Variants in ANKRD26 observed in about 807,000 individuals in gnomAD.
ANKRD26 encodes ankyrin repeat domain-containing protein 26.
A neutral mutation model predicts 208.7 loss-of-function variants in ANKRD26; 141 were observed. That is an observed-to-expected ratio of 0.68 (90% confidence interval 0.59 to 0.78). The LOEUF (loss-of-function observed/expected upper bound fraction) is 0.78. ANKRD26 is among the 30% of genes least tolerant of loss of function. The pLI is 0.00. For synonymous variants in ANKRD26, 636 were observed against 660.4 expected (o/e 0.96, Z 0.57); for missense variants, 1,889 against 1,938.7 (o/e 0.97, Z 0.48).
intron 4 of ANKRD26, among the ~76,000 whole-genome samples, chr10:26,996,268 G>A (rs1270445306): frequency 6.6e-6 from 1 of 151,748 alleles, no homozygotes; most frequent in Non-Finnish European, 1.5e-5. Flanking sequence ...GAAATATAGT[G>A]AGAAAAAAAA....
intron 30 of ANKRD26, among the ~76,000 whole-genome samples, chr10:27,016,806 TG>T (rs1220889820): frequency 6.6e-6 from 1 of 152,132 alleles, no homozygotes; most frequent in East Asian, 1.9e-4. Context: ...ATATAAAACC[TG>T]GGTAATTATT....
At chr10:27,070,789 C>G (rs1235009621) in intron 9 of ANKRD26, among the ~76,000 whole-genome samples, 3 of 128,540 alleles carry the variant, frequency 2.3e-5, no homozygotes, top group Non-Finnish European at 5.3e-5. Flanking sequence ...ACTCAGCCCC[C>G]TGAGTAGCTG....
chr10:27,055,116 T>G (rs1224378072), intron 15 of ANKRD26, among the ~76,000 whole-genome samples: 1 of 152,196 alleles, frequency 6.6e-6, no homozygotes, highest in East Asian at 1.9e-4. Context: ...GAGTGAATTT[T>G]TATTAAATGA....
chr10:27,043,341 T>C (rs2054327379), intron 20 of ANKRD26, 85 bp downstream of exon 20: 1 of 1,504,610 alleles, frequency 6.6e-7, no homozygotes, highest in African/African-American at 1.4e-5. Flanking sequence ...CTGCAAAATG[T>C]ATGCTAAATG....
rs2052820037 is a variant in ANKRD26 at position 27,004,983 on chromosome 10, T to C, written c.*607A>G. On this transcript the variant is annotated 3_prime_UTR_variant, in exon 34 of 34. Transcript: ENST00000376087. ...TGATGACATAATGTCAGCAATTTAC[T>C]CTCAAATTGTTCGGAGGAGAAAGTC... The C allele has an allele frequency of 1.1e-6, 1 of 945,378 alleles. No individual in the cohort carries two copies. The allele number at this position is 945,378 out of a possible 1,614,324, so 58.6% of individuals were successfully genotyped here. A position where few individuals can be genotyped will look rare whatever the true frequency, so the allele number is the denominator to read the frequency against.
chr10:27,085,095 G>GT (rs1304030896), intron 5 of ANKRD26, among the ~76,000 whole-genome samples: 1 of 150,148 alleles, frequency 6.7e-6, no homozygotes, highest in Non-Finnish European at 1.5e-5. Context: ...GAACACACTT[G>GT]TTTTTTTTGT....
chr10:27,072,342 A>T (rs905747630), intron 9 of ANKRD26, among the ~76,000 whole-genome samples: 2 of 152,196 alleles, frequency 1.3e-5, no homozygotes, highest in African/African-American at 2.4e-5. Context: ...TTTGTGCAGC[A>T]GAGGCAGCTG....
intron 4 of ANKRD26, among the ~76,000 whole-genome samples, chr10:26,998,131 A>G (rs909358101): frequency 1.3e-5 from 2 of 152,154 alleles, no homozygotes; most frequent in Middle Eastern, 3.2e-3. Flanking sequence ...CCATGACCCA[A>G]TTTACTAGGG....
At chr10:26,972,630 G>A (rs546380695), downstream of ANKRD26, among the ~76,000 whole-genome samples, 34 of 134,936 alleles carry the variant, frequency 2.5e-4, no homozygotes, top group Admixed American at 1.0e-3. Context: ...TCACTCTGTC[G>A]CCCAGGCTGG....
At chr10:26,964,212 T>C in the ANKRD26 span, among the ~76,000 whole-genome samples, 1 of 152,056 alleles carries the variant, frequency 6.6e-6, no homozygotes, top group South Asian at 2.1e-4. Flanking sequence ...CCTGGCCTGT[T>C]GTATTGTGTA....
Position 27,082,828 on chromosome 10 carries a change from CA to C in ANKRD26, c.714del (p.Asp238GlufsTer8). Reference protein sequence around the residue: ...KHSSQNSNSVDESSEDSLSRL... With the variant: ...KHSSQNSNSVXESSEDSLSRL... ...CTGCTTAAGGAGTCTTCAGAGCTTT[CA>C]TCCACTATTAAAGAGAAAAGTAAAA... is the stretch of plus-strand genomic sequence containing the variant. On this transcript the variant is annotated frameshift_variant, in exon 6 of 34. Coordinates refer to ENST00000376087, the MANE Select transcript of ANKRD26 (RefSeq NM_014915.3). LOFTEE classifies it high-confidence loss of function. The C allele has an allele frequency of 6.3e-7, 1 of 1,590,172 alleles. No homozygotes were observed. Among genetic ancestry groups the C allele is most frequent in the Non-Finnish European group, 8.6e-7 (1 of 1,167,162 alleles).
intron 9 of ANKRD26, among the ~76,000 whole-genome samples, chr10:27,074,380 A>T (rs139325189): frequency 6.6e-6 from 1 of 152,330 alleles, no homozygotes; most frequent in East Asian, 1.9e-4. Context: ...CATTTAGGGA[A>T]CTACAAAATG....
intron 11 of ANKRD26, chr10:27,066,100 A>T (rs2055234926): frequency 6.4e-6 from 1 of 156,780 alleles, no homozygotes; most frequent in African/African-American, 2.4e-5. Context: ...TGACCTCATG[A>T]TCCGCCAGCC....
intron 1 of ANKRD26, 124 bp downstream of exon 1, chr10:27,099,961 C>A (rs2056593673): frequency 2.7e-6 from 4 of 1,498,056 alleles, no homozygotes; most frequent in Admixed American, 1.8e-5. Context: ...AAGGTGTCAC[C>A]GTCCCAGGGG....
chr10:26,975,117 G>A (rs2052205625), exon 6 of ANKRD26, among the ~76,000 whole-genome samples: 1 of 152,212 alleles, frequency 6.6e-6, no homozygotes, highest in African/African-American at 2.4e-5. Flanking sequence ...AACTAAAAGT[G>A]TATGTTAAAT....
intron 25 of ANKRD26, chr10:27,030,706 T>C: frequency 4.2e-6 from 2 of 480,222 alleles, no homozygotes; most frequent in Non-Finnish European, 5.4e-6. Flanking sequence ...CTACTTATAT[T>C]TAATTACTTA....
At chr10:26,972,402 G>A (rs80112731), downstream of ANKRD26, among the ~76,000 whole-genome samples, 1,327 of 151,978 alleles carry the variant, frequency 8.7e-3, 19 homozygotes, top group African/African-American at 0.03. Flanking sequence ...AGGAATAAAT[G>A]TACTAAGAAA....
chr10:26,998,797 G>A (rs1385993925), intron 4 of ANKRD26, among the ~76,000 whole-genome samples: 1 of 152,168 alleles, frequency 6.6e-6, no homozygotes, highest in Non-Finnish European at 1.5e-5. Context: ...AGAATCAGCA[G>A]GAGATAGAGT....
chr10:27,064,439 C>T (rs1378587761), intron 11 of ANKRD26, among the ~76,000 whole-genome samples: 2 of 152,218 alleles, frequency 1.3e-5, no homozygotes, highest in African/African-American at 4.8e-5. Flanking sequence ...AAGAGGGGAG[C>T]TTCTCTGAAC....
Sources: gnomAD v4.1 joint callset for allele counts (sites outside exome capture counted in the v4.1 genomes callset) on GRCh38, gnomAD v4.1.1 for gene constraint, MANE v1.5 for transcripts, NCBI Gene and HGNC (gene_info 2026-07-23, HGNC 2026-07-21) for gene names.